CXCL13: variants seen among roughly 807,000 people sequenced by gnomAD.
The protein encoded by CXCL13 is C-X-C motif chemokine 13.
A neutral mutation model predicts 12.2 loss-of-function variants in CXCL13; 7 were observed. The observed-to-expected ratio is 0.57, with a 90% CI of 0.33 to 1.07. The LOEUF is 1.07. CXCL13 is among the 50% of genes least tolerant of loss of function. The pLI, the probability that CXCL13 is intolerant of heterozygous loss-of-function variation, is 0.04. For synonymous variants in CXCL13, 47 were observed against 42.4 expected, an observed-to-expected ratio of 1.11 and a Z score of -0.42; for missense variants, 113 against 127.4, an observed-to-expected ratio of 0.89 and a Z score of 0.55.
intron 1 of CXCL13, among the ~76,000 whole-genome samples, chr4:77,515,530 A>T (rs1260535961): frequency 6.6e-6 from 1 of 152,122 alleles, no homozygotes; most frequent in Non-Finnish European, 1.5e-5. Flanking sequence ...CACATCCCTT[A>T]TAAGGTGGAT....
chr4:77,606,303 A>ACTC (rs1374611203), intron 1 of CXCL13, among the ~76,000 whole-genome samples: 1 of 152,140 alleles, frequency 6.6e-6, no homozygotes, highest in Non-Finnish European at 1.5e-5. Context: ...AGATTATTGA[A>ACTC]CTCTACTGGT....
intron 1 of CXCL13, among the ~76,000 whole-genome samples, chr4:77,573,699 C>T (rs1406490371): frequency 6.6e-6 from 1 of 151,902 alleles, no homozygotes; most frequent in Non-Finnish European, 1.5e-5. Context: ...ACATGGCACT[C>T]ACTTCATGCT....
intron 2 of CXCL13, 141 bp from the exon 3 acceptor site, chr4:77,610,473 C>T (rs531864810): frequency 4.3e-5 from 28 of 647,532 alleles, no homozygotes; most frequent in Non-Finnish European, 7.5e-5. Flanking sequence ...TACAAATCAC[C>T]TATTCCAGAT....
At chr4:77,554,159 A>G (rs958338147) in intron 1 of CXCL13, among the ~76,000 whole-genome samples, 6 of 152,144 alleles carry the variant, frequency 3.9e-5, no homozygotes, top group Non-Finnish European at 8.8e-5. Flanking sequence ...CCACCAACCA[A>G]CAGCATTCCC....
intron 1 of CXCL13, among the ~76,000 whole-genome samples, chr4:77,550,542 A>C (rs181366668): frequency 3.2e-4 from 49 of 152,300 alleles, no homozygotes; most frequent in African/African-American, 1.1e-3. Context: ...GTGGCCAAGC[A>C]TGTGGTTGAT....
intron 1 of CXCL13, among the ~76,000 whole-genome samples, chr4:77,579,911 C>G (rs1351534196): frequency 6.6e-6 from 1 of 152,140 alleles, no homozygotes; most frequent in Non-Finnish European, 1.5e-5. Context: ...GGGTAACATC[C>G]TGAAAAATAG....
At chr4:77,533,826 T>A (rs564382734) in intron 1 of CXCL13, among the ~76,000 whole-genome samples, 2 of 152,224 alleles carry the variant, frequency 1.3e-5, no homozygotes, top group Non-Finnish European at 2.9e-5. Flanking sequence ...CATAGGACCC[T>A]CTGAGCCATG....
rs185410632 is a variant in CXCL13, at chr4:77,567,803, C to G, written c.-42-38021C>G. Among the ~76,000 whole-genome samples the G allele has an allele frequency of 3.3e-4, 50 of 152,234 alleles. No individual in the cohort carries two copies. In the East Asian group the frequency reaches 7.7e-3, roughly 24 times the overall value. ...CTGTATGGTCTAAAGAGGGGAGGAACCCTCAGTTCCTGGAATTCCCCACCC... is the reference window on the plus strand; with the variant it reads ...CTGTATGGTCTAAAGAGGGGAGGAAGCCTCAGTTCCTGGAATTCCCCACCC... On this transcript the variant is annotated intron_variant, in intron 1 of 4. Transcript: ENST00000286758.
chr4:77,552,990 G>T (rs1354080291), intron 1 of CXCL13, among the ~76,000 whole-genome samples: 1 of 152,190 alleles, frequency 6.6e-6, no homozygotes, highest in African/African-American at 2.4e-5. Flanking sequence ...GAGTGCGGCT[G>T]CTCAGGCTGC....
At chr4:77,519,634 A>C (rs1724525384) in intron 1 of CXCL13, among the ~76,000 whole-genome samples, 1 of 152,148 alleles carries the variant, frequency 6.6e-6, no homozygotes, top group African/African-American at 2.4e-5. Flanking sequence ...AGATGGGTCA[A>C]TTGCAAAAGT....
At chr4:77,579,184 C>G (rs751915042) in intron 1 of CXCL13, among the ~76,000 whole-genome samples, 1 of 152,232 alleles carries the variant, frequency 6.6e-6, no homozygotes. Context: ...AAATGCCCCA[C>G]TGTCTCACTG....
intron 1 of CXCL13, among the ~76,000 whole-genome samples, chr4:77,528,404 AG>A (rs1463060717): frequency 5.3e-5 from 8 of 152,198 alleles, no homozygotes; most frequent in Non-Finnish European, 1.2e-4. Flanking sequence ...ACAGTGTAAA[AG>A]TGTTCCTATT....
intron 1 of CXCL13, among the ~76,000 whole-genome samples, chr4:77,582,053 T>G (rs1310674879): frequency 6.6e-6 from 1 of 151,724 alleles, no homozygotes; most frequent in South Asian, 2.1e-4. Context: ...CTGGAAAACA[T>G]AGAAAAAAAT....
intron 1 of CXCL13, among the ~76,000 whole-genome samples, chr4:77,538,881 C>G (rs749041266): frequency 1.3e-5 from 2 of 152,092 alleles, no homozygotes; most frequent in Non-Finnish European, 2.9e-5. Flanking sequence ...TCTGTAGCAA[C>G]CTCAATTCTT....
At chr4:77,549,773 C>A (rs1487356290) in intron 1 of CXCL13, among the ~76,000 whole-genome samples, 1 of 152,202 alleles carries the variant, frequency 6.6e-6, no homozygotes, top group Non-Finnish European at 1.5e-5. Flanking sequence ...GGAGATGTCT[C>A]CCAGTTAGGC....
intron 1 of CXCL13, among the ~76,000 whole-genome samples, chr4:77,572,674 A>G (rs1726116214): frequency 6.6e-6 from 1 of 151,960 alleles, no homozygotes; most frequent in African/African-American, 2.4e-5. Flanking sequence ...AAGACAGTGA[A>G]GTGATACCTT....
chr4:77,600,929 A>G (rs1726867594), upstream of CXCL13, among the ~76,000 whole-genome samples: 1 of 152,188 alleles, frequency 6.6e-6, no homozygotes, highest in Non-Finnish European at 1.5e-5. Flanking sequence ...TTTTAAAGCA[A>G]TAAGTCAAAT....
chr4:77,516,140 G>C (rs1361496207), intron 1 of CXCL13, among the ~76,000 whole-genome samples: 1 of 152,168 alleles, frequency 6.6e-6, no homozygotes, highest in African/African-American at 2.4e-5. Context: ...AACCAGACTT[G>C]CATCCCAGAG....
intron 1 of CXCL13, among the ~76,000 whole-genome samples, chr4:77,528,020 A>T (rs1407738426): frequency 2.0e-5 from 3 of 152,038 alleles, no homozygotes; most frequent in African/African-American, 7.2e-5. Context: ...ATGAATGAGA[A>T]CATGCGGTGT....
Sources: gnomAD v4.1 joint callset for allele counts (sites outside exome capture counted in the v4.1 genomes callset) on GRCh38, gnomAD v4.1.1 for gene constraint, MANE v1.5 for transcripts, NCBI Gene and HGNC (gene_info 2026-07-23, HGNC 2026-07-21) for gene names.